The following NCAM1 variants were observed in gnomAD, a reference collection of about 807,000 sequenced individuals.
The protein encoded by NCAM1 is neural cell adhesion molecule 1.
NCAM1 carries 14 observed loss-of-function variants against 109.8 expected under a neutral mutation model. That is an observed-to-expected ratio of 0.13 (90% confidence interval 0.08 to 0.20). The LOEUF (loss-of-function observed/expected upper bound fraction) is 0.20. Among genes scored for constraint, NCAM1 ranks in the 10% least tolerant of loss-of-function variants. NCAM1 has a pLI of 1.00. For synonymous variants in NCAM1, 418 were observed against 442.9 expected, an observed-to-expected ratio of 0.94 and a Z score of 0.70; for missense variants, 774 against 1,109.9, an observed-to-expected ratio of 0.70 and a Z score of 4.30.
chr11:112,971,075 T>C (rs1950865685), intron 1 of NCAM1, among the ~76,000 whole-genome samples: 1 of 152,056 alleles, frequency 6.6e-6, no homozygotes, highest in African/African-American at 2.4e-5. Flanking sequence ...AAACTATGGA[T>C]GATGAAATCT....
intron 17 of NCAM1, chr11:113,263,936 A>G (rs1946076544): frequency 2.0e-6 from 2 of 985,406 alleles, no homozygotes; most frequent in Non-Finnish European, 2.4e-6. Context: ...TGAATGCCCC[A>G]GCCTCTGTAT....
At chr11:113,104,207 T>TGGGGGGGGGGGGGGGG (rs1345382907) in intron 1 of NCAM1, among the ~76,000 whole-genome samples, 1 of 19,278 alleles carries the variant, frequency 5.2e-5, no homozygotes, top group Non-Finnish European at 1.0e-4. Flanking sequence ...GGAGGTGGGG[T>TGGGGGGGGGGGGGGGG]GGGGGGGGGG....
chr11:113,159,342 C>A (rs1565470405), intron 1 of NCAM1, among the ~76,000 whole-genome samples: 1 of 151,844 alleles, frequency 6.6e-6, no homozygotes, highest in Non-Finnish European at 1.5e-5. Context: ...TCTAATAATT[C>A]ACTTTTTTGT....
In NCAM1 at chr11:113,233,039, G is replaced by A. The variant is rs781887640; in HGVS notation, c.1523-108G>A. 28 of 1,196,190 alleles carry A rather than the reference G, an allele frequency of 2.3e-5. No individual in the cohort carries two copies. Among genetic ancestry groups the A allele is most frequent in the Non-Finnish European group, 3.3e-5 (28 of 847,430 alleles). The allele number at this position is 1,196,190 out of a possible 1,614,324, so 74.1% of individuals were successfully genotyped here. A position where few individuals can be genotyped will look rare whatever the true frequency, so the allele number is the denominator to read the frequency against. On this transcript the variant is annotated intron_variant, in intron 12 of 19. Transcript: ENST00000316851. The surrounding 1 kb of genome is among the most constrained non-coding windows in gnomAD (Gnocchi z 4.5). ...CCAGGAGGACAGGATACAGTGACAG[G>A]ATTCCCAAGAGTGAGCAGAAATGAC...
At chr11:113,137,675 G>A (rs1555099724) in intron 1 of NCAM1, among the ~76,000 whole-genome samples, 1 of 152,142 alleles carries the variant, frequency 6.6e-6, no homozygotes, top group Non-Finnish European at 1.5e-5. Flanking sequence ...AATTCATTAT[G>A]GTGCACAACT....
At chr11:113,152,868 G>A (rs1166097838) in intron 1 of NCAM1, among the ~76,000 whole-genome samples, 1 of 151,972 alleles carries the variant, frequency 6.6e-6, no homozygotes, top group African/African-American at 2.4e-5. Context: ...TCATTGGCTG[G>A]GATAGCAAGC....
intron 1 of NCAM1, among the ~76,000 whole-genome samples, chr11:113,197,749 A>T (rs1441235888): frequency 1.3e-5 from 2 of 152,194 alleles, no homozygotes; most frequent in Non-Finnish European, 2.9e-5. Flanking sequence ...AGCCCATTGG[A>T]ATCTGAAAAG....
At chr11:113,022,732 A>G (rs1952428172) in intron 1 of NCAM1, among the ~76,000 whole-genome samples, 2 of 152,200 alleles carry the variant, frequency 1.3e-5, no homozygotes, top group African/African-American at 4.8e-5. Flanking sequence ...GTAGGTAGGT[A>G]GGTAGTCCAG....
At chr11:113,119,561 G>A (rs782284108) in intron 1 of NCAM1, among the ~76,000 whole-genome samples, 6 of 152,136 alleles carry the variant, frequency 3.9e-5, no homozygotes, top group Non-Finnish European at 8.8e-5. Flanking sequence ...ATTTTGGGAC[G>A]TGCAAAATTT....
intron 1 of NCAM1, among the ~76,000 whole-genome samples, chr11:113,034,982 C>T (rs1555078927): frequency 6.6e-6 from 1 of 152,174 alleles, no homozygotes; most frequent in East Asian, 1.9e-4. Flanking sequence ...AATCAACACT[C>T]TCGAGCATTT....
At chr11:113,049,491 T>A (rs1953390230) in intron 1 of NCAM1, among the ~76,000 whole-genome samples, 1 of 152,194 alleles carries the variant, frequency 6.6e-6, no homozygotes, top group Admixed American at 6.5e-5. Context: ...TAACTATATC[T>A]CCCAGGAATG....
intron 1 of NCAM1, among the ~76,000 whole-genome samples, chr11:113,146,003 G>A (rs921099685): frequency 1.2e-4 from 19 of 152,178 alleles, no homozygotes; most frequent in African/African-American, 2.4e-5. Flanking sequence ...GCTTAACGAT[G>A]CCATAAAGGC....
At chr11:113,059,092 C>T (rs1332070116) in intron 1 of NCAM1, among the ~76,000 whole-genome samples, 8 of 152,232 alleles carry the variant, frequency 5.3e-5, no homozygotes, top group Non-Finnish European at 1.0e-4. Flanking sequence ...TTCTAGGCTT[C>T]TCCCCCACTT....
At chr11:113,074,039 A>G (rs1320593617) in intron 1 of NCAM1, among the ~76,000 whole-genome samples, 2 of 152,144 alleles carry the variant, frequency 1.3e-5, no homozygotes, top group African/African-American at 4.8e-5. Flanking sequence ...TTAGAAGGAG[A>G]AACACGTCGG....
At chr11:113,260,088 A>G (rs1177699163) in intron 16 of NCAM1, 58 bp from the exon 17 acceptor site, 6 of 1,499,466 alleles carry the variant, frequency 4.0e-6, no homozygotes, top group Non-Finnish European at 5.4e-6. Context: ...TCTTACCAGT[A>G]CTTTTATCTA....
chr11:113,238,249 A>T (rs1945231589), intron 14 of NCAM1, among the ~76,000 whole-genome samples: 2 of 152,308 alleles, frequency 1.3e-5, no homozygotes, highest in South Asian at 4.1e-4. Flanking sequence ...TTTCTCAATC[A>T]TTTAATAAAG....
intron 8 of NCAM1, among the ~76,000 whole-genome samples, chr11:113,215,706 A>C (rs1944506363): frequency 6.6e-6 from 1 of 152,244 alleles, no homozygotes; most frequent in Non-Finnish European, 1.5e-5. Flanking sequence ...CAAAAAGTCA[A>C]CTGAGGAACT....
In NCAM1 at chr11:113,204,488, C is replaced by T. The variant is rs1465163518; in HGVS notation, c.330C>T (p.Val110=). The T allele has an allele frequency of 6.2e-7, 1 of 1,613,872 alleles. No individual in the cohort carries two copies. The highest frequency in any genetic ancestry group is 1.1e-5 in the South Asian group (1 of 91,082). ...ATGGCAGTGAGTCAGAGGCCACCGTCAACGTGAAGATCTTTCGTAAGAGCC... is the reference window on the plus strand; with the variant it reads ...ATGGCAGTGAGTCAGAGGCCACCGTTAACGTGAAGATCTTTCGTAAGAGCC... ...GEDGSESEAT[V]NVKIFQKLMF... The change falls in exon 3 of 20, where the codon GTC becomes GTT. Residue 110 remains valine, a synonymous_variant. Coordinates refer to ENST00000316851, the MANE Select transcript of NCAM1 (RefSeq NM_181351.5).
At chr11:113,263,136 G>A (rs1336702138) in intron 17 of NCAM1, 2 of 1,232,064 alleles carry the variant, frequency 1.6e-6, no homozygotes, top group African/African-American at 1.5e-5. Context: ...TAAGGAGTTT[G>A]CCCCCTTTTT....
Sources: allele counts gnomAD v4.1 joint callset (sites outside exome capture counted in the v4.1 genomes callset), GRCh38; gene constraint gnomAD v4.1.1; non-coding constraint Gnocchi (gnomAD v3.1); transcripts MANE v1.5; gene names NCBI Gene and HGNC (gene_info 2026-07-23, HGNC 2026-07-21).